Variants in HAND2 observed in about 807,000 individuals in gnomAD.
HAND2 encodes the protein heart- and neural crest derivatives-expressed protein 2.
Under a neutral mutation model 14.7 loss-of-function variants are expected in HAND2, and 2 were observed. The ratio of observed to expected loss-of-function variants is 0.14; its 90% CI spans 0.06 to 0.43. HAND2 has a LOEUF of 0.43. Among genes scored for constraint, HAND2 ranks in the 20% least tolerant of loss-of-function variants. The probability of loss-of-function intolerance (pLI) is 0.99; values close to 1 mark genes in which losing one functional copy is unlikely to be tolerated. For missense variants in HAND2, 275 were observed against 313.6 expected (o/e 0.88, Z 0.93); for synonymous variants, 162 against 135.9 (o/e 1.19, Z -1.34).
chr4:173,529,126 G>A lies in HAND2; in HGVS notation c.164C>T (p.Pro55Leu). ...GGACAGGGCCATGCTGTAGTCGGGGGGCGACATCTCGGGGTGGCCGATGAG... is the reference window on the plus strand; with the variant it reads ...GGACAGGGCCATGCTGTAGTCGGGGAGCGACATCTCGGGGTGGCCGATGAG... ...GWLIGHPEMS[P>L]PDYSMALSYS... Residue 55 changes from proline (P) to leucine (L), a missense_variant, in exon 1 of 2, where the codon CCC becomes CTC. Transcript: ENST00000359562. 6.7e-7 allele frequency: 1 copy of A among 1,487,484 alleles called. No individual in the cohort carries two copies. Among genetic ancestry groups the A allele is most frequent in the South Asian group, 1.4e-5 (1 of 70,506 alleles). 92.1% of individuals were successfully genotyped at this position (1,487,484 alleles called of 1,614,324 possible). A position where few individuals can be genotyped will look rare whatever the true frequency, so the allele number is the denominator to read the frequency against.
chr4:173,527,218 G>A lies in HAND2; in HGVS notation c.*59C>T, dbSNP rs774861958. On this transcript the variant is annotated 3_prime_UTR_variant, in exon 2 of 2. Transcript: ENST00000359562. ...ACGGCTTTTCCGGAGTCCTGGGTCT[G>A]CATCTGGCGCCTTGGCCCCTGCTCA... 6.0e-5 allele frequency: 69 copies of A among 1,140,778 alleles called. No individual in the cohort carries two copies. The Admixed American group carries it at 8.6e-4, about 14-fold the overall frequency. 70.7% of individuals were successfully genotyped at this position (1,140,778 alleles called of 1,614,324 possible).
Position 173,526,840 on chromosome 4 carries a change from G to A in HAND2, c.*437C>T. 1.0e-5 allele frequency: 4 copies of A among 384,172 alleles called. No individual in the cohort carries two copies. Among genetic ancestry groups the A allele is most frequent in the South Asian group, 7.8e-5 (4 of 51,402 alleles). 23.8% of individuals were successfully genotyped at this position (384,172 alleles called of 1,614,324 possible). On this transcript the variant is annotated 3_prime_UTR_variant, in exon 2 of 2. Transcript: ENST00000359562. ...TGAAATAAAACTTTATAATACCCAG[G>A]AATATTTATATCCAAAGGCCAAGTA...
At position 173,529,207 on chromosome 4, in the gene HAND2, G is replaced by A. The variant is rs1362459325; in HGVS notation, c.83C>T (p.Ala28Val). ...YPFAAAAAAA[A>V]AAAASRCSHE... ...GCTGCAGCGGCTGGCGGCGGCGGCG[G>A]CAGCTGCGGCGGCGGCGGCGGCAAA... The change falls in exon 1 of 2, where the codon GCC becomes GTC. Residue 28 changes from alanine to valine, a missense_variant. Ala to Val is a moderately conservative substitution (Grantham distance 64, BLOSUM62 0). Coordinates refer to ENST00000359562, the MANE Select transcript of HAND2 (RefSeq NM_021973.3). 2 of 1,427,032 alleles carry A rather than the reference G, an allele frequency of 1.4e-6. No homozygotes were observed. The highest frequency in any genetic ancestry group is 1.5e-5 in the African/African-American group (1 of 66,386). The allele number at this position is 1,427,032 out of a possible 1,614,324, so 88.4% of individuals were successfully genotyped here.
chr4:173,528,965 G>A lies in HAND2; in HGVS notation c.325C>T (p.Arg109Trp). The change falls in exon 1 of 2, where the codon CGG becomes TGG. Residue 109 changes from arginine (R) to tryptophan (W), a missense_variant. By Grantham distance (101) the Arg-to-Trp change is moderately radical (BLOSUM62 -3). Coordinates refer to ENST00000359562, the MANE Select transcript of HAND2 (RefSeq NM_021973.3). The surrounding 1 kb of genome is among the most constrained non-coding windows in gnomAD (Gnocchi z 5.6). ...KRRGTANRKE[R>W]RRTQSINSAF... ...CTGTTGATGCTCTGAGTCCTGCGCC[G>A]CTCCTTGCGGTTGGCGGTGCCTCGG... 3 of 1,613,482 alleles carry A rather than the reference G, an allele frequency of 1.9e-6. No individual in the cohort carries two copies. The highest frequency in any genetic ancestry group is 1.7e-6 in the Non-Finnish European group (2 of 1,179,770).
rs922247241 is a variant in HAND2 at position 173,526,624 on chromosome 4, C to A, written c.*653G>T. On this transcript the variant is annotated 3_prime_UTR_variant, in exon 2 of 2. Coordinates refer to ENST00000359562, the MANE Select transcript of HAND2 (RefSeq NM_021973.3). ...GATTAAGGTTTTTGTAAAAAAAAAA[C>A]ACAGTGGTTTATTGAATACTTACAA... The A allele has an allele frequency of 1.9e-5, 3 of 159,858 alleles. No individual in the cohort carries two copies. Among genetic ancestry groups the A allele is most frequent in the Non-Finnish European group, 4.1e-5 (3 of 73,330 alleles). 9.9% of individuals were successfully genotyped at this position (159,858 alleles called of 1,614,324 possible).
At chr4:173,527,642 GC>G (rs1017184284) in intron 1 of HAND2, 18 of 492,554 alleles carry the variant, frequency 3.7e-5, no homozygotes, top group Non-Finnish European at 6.2e-5. Context: ...TTATGGAGGA[GC>G]GGGGGGCCTT....
chr4:173,530,056 G>C lies in HAND2; in HGVS notation c.-767C>G, dbSNP rs1436391865. On this transcript the variant is annotated 5_prime_UTR_variant, in exon 1 of 2. Transcript: ENST00000359562. This position sits in a 1 kb window ranked among gnomAD's most constrained non-coding sequence, Gnocchi z 6.2. ...CATTTTCTCAGATCCTCTCCTTTCG[G>C]GGCAAGGATCTGGGGCCCTGAATGA... 6.6e-6 allele frequency: 1 copy of C among 151,982 alleles called. No homozygotes were observed. Among genetic ancestry groups the C allele is most frequent in the Non-Finnish European group, 1.5e-5 (1 of 68,028 alleles). 9.4% of individuals were successfully genotyped at this position (151,982 alleles called of 1,614,324 possible). A position where few individuals can be genotyped will look rare whatever the true frequency, so the allele number is the denominator to read the frequency against.
rs779885625 is a variant in HAND2, at chr4:173,529,076, C to T, written c.214G>A (p.Ala72Thr). The change falls in exon 1 of 2, where the codon GCC becomes ACC. Residue 72 changes from alanine (A) to threonine (T), a missense_variant. Physicochemically the swap from Ala to Thr is moderately conservative, Grantham distance 58. This residue lies in a region of HAND2 where 175 missense variants were observed against 157.1 expected (regional missense o/e 1.11). Transcript: ENST00000359562. ...LSYSPEYASG[A>T]AGLDHSHYGG... ...TAATGGGAGTGGTCCAGGCCGGCGG[C>T]GCCGCTGGCATACTCGGGGCTGTAG... The T allele has an allele frequency of 2.0e-6, 3 of 1,503,358 alleles. No homozygotes were observed. In the Admixed American group the frequency reaches 7.6e-5, roughly 38 times the overall value. 93.1% of individuals were successfully genotyped at this position (1,503,358 alleles called of 1,614,324 possible).
rs2110901711 is a variant in HAND2, at chr4:173,526,727, A to T, written c.*550T>A. ...TGCACAAAACAAGTGGCTGTTGGAA[A>T]CATCTTCAAAGAGGGAACGACCACA... On this transcript the variant is annotated 3_prime_UTR_variant, in exon 2 of 2. Transcript: ENST00000359562. 1 of 292,976 alleles carries T rather than the reference A, an allele frequency of 3.4e-6. No homozygotes were observed. Among genetic ancestry groups the T allele is most frequent in the East Asian group, 8.3e-5 (1 of 12,072 alleles). The allele number at this position is 292,976 out of a possible 1,614,324, so 18.1% of individuals were successfully genotyped here. A position where few individuals can be genotyped will look rare whatever the true frequency, so the allele number is the denominator to read the frequency against.
At position 173,529,158 on chromosome 4, in the gene HAND2, A is replaced by G; in HGVS notation, c.132T>C (p.His44=). ...RCSHEENPYF[H]GWLIGHPEMS... Reference sequence around the variant, plus strand: ...TCTCGGGGTGGCCGATGAGCCAGCCATGGAAGTAGGGGTTCTCCTCATGGC... The same window carrying G: ...TCTCGGGGTGGCCGATGAGCCAGCCGTGGAAGTAGGGGTTCTCCTCATGGC... Residue 44 remains histidine, a synonymous_variant, in exon 1 of 2, where the codon CAT becomes CAC. Coordinates refer to ENST00000359562, the MANE Select transcript of HAND2 (RefSeq NM_021973.3). 4 of 1,476,826 alleles carry G rather than the reference A, an allele frequency of 2.7e-6. No homozygotes were observed. The highest frequency in any genetic ancestry group is 2.9e-5 in the South Asian group (2 of 68,014). The allele number at this position is 1,476,826 out of a possible 1,614,324, so 91.5% of individuals were successfully genotyped here. A position where few individuals can be genotyped will look rare whatever the true frequency, so the allele number is the denominator to read the frequency against.
Position 173,529,003 on chromosome 4 carries a change from C to A in HAND2, c.287G>T (p.Arg96Leu), listed in dbSNP as rs1284601345. 5.0e-6 allele frequency: 8 copies of A among 1,609,272 alleles called. No individual in the cohort carries two copies. Among genetic ancestry groups the A allele is most frequent in the Non-Finnish European group, 5.9e-6 (7 of 1,177,950 alleles). The change falls in exon 1 of 2, where the codon CGC becomes CTC. Residue 96 changes from arginine (R) to leucine (L), a missense_variant. By Grantham distance (102) the Arg-to-Leu change is moderately radical (BLOSUM62 -2). Transcript: ENST00000359562. ...GAGPPGLGGPRPVKRRGTANR... is the reference protein window; with the variant it reads ...GAGPPGLGGPLPVKRRGTANR... ...GGCGGTGCCTCGGCGCTTCACCGGGCGCGGCCCCCCCAGGCCCGGGGGCCC... is the reference window on the plus strand; with the variant it reads ...GGCGGTGCCTCGGCGCTTCACCGGGAGCGGCCCCCCCAGGCCCGGGGGCCC...
chr4:173,529,127 G>T lies in HAND2; in HGVS notation c.163C>A (p.Pro55Thr). The T allele has an allele frequency of 1.3e-6, 2 of 1,483,308 alleles. No individual in the cohort carries two copies. Among genetic ancestry groups the T allele is most frequent in the South Asian group, 1.4e-5 (1 of 69,456 alleles). 91.9% of individuals were successfully genotyped at this position (1,483,308 alleles called of 1,614,324 possible). A position where few individuals can be genotyped will look rare whatever the true frequency, so the allele number is the denominator to read the frequency against. Residue 55 changes from proline (P) to threonine (T), a missense_variant, in exon 1 of 2, where the codon CCC (proline) becomes ACC (threonine). Around this residue, in one of 4 missense-constraint regions of HAND2, gnomAD observed 175 missense variants for 157.1 expected, o/e 1.11. Coordinates refer to ENST00000359562, the MANE Select transcript of HAND2 (RefSeq NM_021973.3). ...GACAGGGCCATGCTGTAGTCGGGGGGCGACATCTCGGGGTGGCCGATGAGC... is the reference window on the plus strand; with the variant it reads ...GACAGGGCCATGCTGTAGTCGGGGGTCGACATCTCGGGGTGGCCGATGAGC... ...GWLIGHPEMS[P>T]PDYSMALSYS... is the part of the protein sequence containing the mutation.
chr4:173,528,719 G>GC lies in HAND2; in HGVS notation c.555+15dup, dbSNP rs774394483. On this transcript the variant is annotated intron_variant, in intron 1 of 1. Transcript: ENST00000359562. This position sits in a 1 kb window ranked among gnomAD's most constrained non-coding sequence, Gnocchi z 5.6. The stretch of plus-strand genomic sequence containing the variant: ...GACCCCCTCAGCCCCACCGCCTGCC[G>GC]CCCCCTGGTACTGACCAGCTCCTTC... 6.2e-7 allele frequency: 1 copy of GC among 1,607,578 alleles called. No homozygotes were observed.
chr4:173,528,363 A>G lies in HAND2; in HGVS notation c.555+372T>C, dbSNP rs948714877. 1.2e-5 allele frequency: 3 copies of G among 241,764 alleles called. No homozygotes were observed. The highest frequency in any genetic ancestry group is 4.5e-5 in the African/African-American group (2 of 44,562). 15.0% of individuals were successfully genotyped at this position (241,764 alleles called of 1,614,324 possible). ...GAGACTTATTCTGGAAACATCTGAAAGCAAGATTGGATTGGAGGCCAAAAG... is the reference window on the plus strand; with the variant it reads ...GAGACTTATTCTGGAAACATCTGAAGGCAAGATTGGATTGGAGGCCAAAAG... On this transcript the variant is annotated intron_variant, in intron 1 of 1. Coordinates refer to ENST00000359562, the MANE Select transcript of HAND2 (RefSeq NM_021973.3). This position sits in a 1 kb window ranked among gnomAD's most constrained non-coding sequence, Gnocchi z 5.6.
intron 1 of HAND2, 180 bp from the exon 2 acceptor site, chr4:173,527,555 G>C (rs946559107): frequency 3.1e-6 from 2 of 635,628 alleles, no homozygotes; most frequent in Non-Finnish European, 5.6e-6. Flanking sequence ...TACCCTAGCC[G>C]GCGGGGAGGC....
At position 173,528,724 on chromosome 4, in the gene HAND2, C is replaced by A; in HGVS notation, c.555+11G>T. 1 of 1,610,414 alleles carries A rather than the reference C, an allele frequency of 6.2e-7. No individual in the cohort carries two copies. On this transcript the variant is annotated intron_variant, in intron 1 of 1. Transcript: ENST00000359562. The surrounding 1 kb of genome is among the most constrained non-coding windows in gnomAD (Gnocchi z 5.6). ...CCTCAGCCCCACCGCCTGCCGCCCC[C>A]TGGTACTGACCAGCTCCTTCTTCCT...
Position 173,528,641 on chromosome 4 carries a change from C to A in HAND2, c.555+94G>T. On this transcript the variant is annotated intron_variant, in intron 1 of 1. Transcript: ENST00000359562. This position sits in a 1 kb window ranked among gnomAD's most constrained non-coding sequence, Gnocchi z 5.6. ...TGAAGCGGGACGCAGCCAAAGAACA[C>A]GAGATGCCATTTCTCAGCCCAATTG... 6.9e-7 allele frequency: 1 copy of A among 1,444,968 alleles called. No individual in the cohort carries two copies. The highest frequency in any genetic ancestry group is 1.2e-5 in the South Asian group (1 of 81,548). 89.5% of individuals were successfully genotyped at this position (1,444,968 alleles called of 1,614,324 possible).
intron 1 of HAND2, chr4:173,527,698 A>T (rs1437995331): frequency 5.7e-6 from 2 of 350,488 alleles, no homozygotes; most frequent in Non-Finnish European, 1.1e-5. Context: ...GTCGGCGCTA[A>T]GTCTGGTTTC....
At chr4:173,527,856 G>C (rs1038603611) in intron 1 of HAND2, 4 of 171,540 alleles carry the variant, frequency 2.3e-5, no homozygotes, top group African/African-American at 9.6e-5. Context: ...CTGGTTATTC[G>C]GGAGGTCACT....
Sources: gnomAD v4.1 joint callset for allele counts on GRCh38, gnomAD v4.1.1 for gene constraint, gnomAD v4.1.1 regional missense constraint, Gnocchi (gnomAD v3.1) non-coding constraint, MANE v1.5 for transcripts, NCBI Gene and HGNC (gene_info 2026-07-23, HGNC 2026-07-21) for gene names.